CNNM2: variants seen among roughly 807,000 people sequenced by gnomAD.
CNNM2 encodes metal transporter CNNM2.
Under a neutral mutation model 66.9 loss-of-function variants are expected in CNNM2, and 12 were observed. The observed-to-expected ratio is 0.18, with a 90% CI of 0.11 to 0.29. The LOEUF (loss-of-function observed/expected upper bound fraction) is 0.29. CNNM2 is among the 10% of genes least tolerant of loss of function. The pLI is 1.00. For missense variants in CNNM2, 705 were observed against 1,167.7 expected, an observed-to-expected ratio of 0.60 and a Z score of 5.77; for synonymous variants, 557 against 501.8, an observed-to-expected ratio of 1.11 and a Z score of -1.47.
Position 103,076,279 on chromosome 10 carries a change from C to A in CNNM2, c.2418+9C>A. ...ATCTGCAGTTTGTTAAGGTGAGAGA[C>A]GTGAGTGCAGTGTGGCTGGACCTGG... On this transcript the variant is annotated intron_variant, in intron 7 of 7. Coordinates refer to ENST00000369878, the MANE Select transcript of CNNM2 (RefSeq NM_017649.5). The A allele has an allele frequency of 4.5e-6, 7 of 1,554,372 alleles. No individual in the cohort carries two copies. Among genetic ancestry groups the A allele is most frequent in the Middle Eastern group, 1.7e-4 (1 of 5,924 alleles).
At chr10:103,071,984 T>A (rs918372656) in intron 6 of CNNM2, 145 bp downstream of exon 6, 1 of 771,466 alleles carries the variant, frequency 1.3e-6, no homozygotes, top group African/African-American at 1.7e-5. Flanking sequence ...GTTCCGTAAC[T>A]TTATAGCGAG....
intron 5 of CNNM2, among the ~76,000 whole-genome samples, chr10:103,070,863 G>A (rs1055260075): frequency 1.3e-5 from 2 of 152,176 alleles, no homozygotes; most frequent in Non-Finnish European, 2.9e-5. Context: ...CTGGGAGGTG[G>A]AGGTTGCAGT....
chr10:102,940,560 A>C (rs2134177918), intron 1 of CNNM2, among the ~76,000 whole-genome samples: 1 of 151,650 alleles, frequency 6.6e-6, no homozygotes, highest in South Asian at 2.1e-4. Flanking sequence ...CTGGGACTAC[A>C]GGTGCCTGCC....
At chr10:102,970,432 G>A (rs1174931262) in intron 1 of CNNM2, among the ~76,000 whole-genome samples, 1 of 152,202 alleles carries the variant, frequency 6.6e-6, no homozygotes, top group East Asian at 1.9e-4. Flanking sequence ...CTGCTTTTGT[G>A]CTATAAGGGC....
Position 103,077,223 on chromosome 10 carries a change from C to T in CNNM2, c.*43C>T. Reference sequence around the variant, plus strand: ...CGCCCAGGCCCGCACCCGCCCAGTCCCGAGGGCCCGGCCCTGTCTGCCCAT... The same window carrying T: ...CGCCCAGGCCCGCACCCGCCCAGTCTCGAGGGCCCGGCCCTGTCTGCCCAT... On this transcript the variant is annotated 3_prime_UTR_variant, in exon 8 of 8. Transcript: ENST00000369878. The T allele has an allele frequency of 6.4e-7, 1 of 1,568,822 alleles. No homozygotes were observed. The highest frequency in any genetic ancestry group is 8.7e-7 in the Non-Finnish European group (1 of 1,147,514).
chr10:103,023,277 C>T (rs765967487), intron 1 of CNNM2, among the ~76,000 whole-genome samples: 31 of 152,132 alleles, frequency 2.0e-4, no homozygotes, highest in Non-Finnish European at 3.1e-4. Context: ...CTGGGCCTGG[C>T]GCAGTGGCTC....
intron 5 of CNNM2, 69 bp from the exon 6 acceptor site, chr10:103,071,705 C>A: frequency 8.4e-7 from 1 of 1,185,262 alleles, no homozygotes; most frequent in Non-Finnish European, 1.3e-6. Context: ...CCCCTCCTGT[C>A]CCTTGATTAC....
At chr10:103,052,089 A>G (rs961923227) in intron 2 of CNNM2, among the ~76,000 whole-genome samples, 1 of 151,916 alleles carries the variant, frequency 6.6e-6, no homozygotes, top group Non-Finnish European at 1.5e-5. Flanking sequence ...ATCCTGGTCA[A>G]CATGGTGAAA....
chr10:102,976,800 C>G (rs1020051022), intron 1 of CNNM2, among the ~76,000 whole-genome samples: 1 of 151,676 alleles, frequency 6.6e-6, no homozygotes, highest in Admixed American at 6.6e-5. Flanking sequence ...TGTTTTCAAA[C>G]TCTCTGAGCT....
At chr10:102,949,161 C>T (rs1180326029) in intron 1 of CNNM2, among the ~76,000 whole-genome samples, 1 of 152,114 alleles carries the variant, frequency 6.6e-6, no homozygotes, top group Admixed American at 6.5e-5. Context: ...ATTGCTTTGT[C>T]AGGTTCACTA....
At chr10:102,920,483 A>G (rs1845587019) in intron 1 of CNNM2, among the ~76,000 whole-genome samples, 1 of 151,974 alleles carries the variant, frequency 6.6e-6, no homozygotes, top group South Asian at 2.1e-4. Flanking sequence ...GGCTGATGCC[A>G]TGCCATTTGG....
chr10:102,968,157 T>G (rs568293603), intron 1 of CNNM2, among the ~76,000 whole-genome samples: 1 of 152,364 alleles, frequency 6.6e-6, no homozygotes, highest in East Asian at 1.9e-4. Context: ...CAAACTGTTC[T>G]CCAACTTGGC....
At chr10:102,956,384 A>T (rs568721588) in intron 1 of CNNM2, among the ~76,000 whole-genome samples, 1 of 152,244 alleles carries the variant, frequency 6.6e-6, no homozygotes, top group Admixed American at 6.5e-5. Context: ...AGTGTAAACT[A>T]GTTCAACTAT....
intron 1 of CNNM2, among the ~76,000 whole-genome samples, chr10:102,987,213 T>C (rs1266911345): frequency 6.6e-6 from 1 of 152,176 alleles, no homozygotes; most frequent in Non-Finnish European, 1.5e-5. Flanking sequence ...GAAAATGATA[T>C]ATTCTAAAGC....
At position 102,918,602 on chromosome 10, in the gene CNNM2, T is replaced by C; in HGVS notation, c.122T>C (p.Leu41Pro). ...RSLSARGRGI[L>P]QAAAGRLLPL... is the part of the protein sequence containing the mutation. ...CTCAGCGCTCGCGGCCGGGGGATCC[T>C]GCAGGCGGCTGCGGGGCGGCTGCTG... Residue 41 changes from leucine to proline, a missense_variant, in exon 1 of 8, where the codon CTG becomes CCG. By Grantham distance (98) the Leu-to-Pro change is moderately conservative. Transcript: ENST00000369878. This position sits in a 1 kb window ranked among gnomAD's most constrained non-coding sequence, Gnocchi z 4.1. 8 of 1,556,422 alleles carry C rather than the reference T, an allele frequency of 5.1e-6. No individual in the cohort carries two copies. The highest frequency in any genetic ancestry group is 6.9e-6 in the Non-Finnish European group (8 of 1,153,264).
At chr10:102,930,274 T>C (rs926285732) in intron 1 of CNNM2, among the ~76,000 whole-genome samples, 2 of 152,068 alleles carry the variant, frequency 1.3e-5, no homozygotes, top group Non-Finnish European at 2.9e-5. Context: ...AATATAGACA[T>C]GCAAAAAAAT....
chr10:102,985,093 A>T (rs374875410), intron 1 of CNNM2, among the ~76,000 whole-genome samples: 1 of 152,334 alleles, frequency 6.6e-6, no homozygotes. Flanking sequence ...TAACGAAGGG[A>T]AAGTCTTTTT....
At chr10:103,046,069 C>T (rs2065122891) in intron 1 of CNNM2, among the ~76,000 whole-genome samples, 1 of 152,250 alleles carries the variant, frequency 6.6e-6, no homozygotes, top group South Asian at 2.1e-4. Context: ...ACGAGCATTA[C>T]CACTTAGTGA....
chr10:103,011,197 G>A (rs908802465), intron 1 of CNNM2, among the ~76,000 whole-genome samples: 1 of 152,176 alleles, frequency 6.6e-6, no homozygotes, highest in South Asian at 2.1e-4. Flanking sequence ...GCTCATGCCT[G>A]TAATCTCAAC....
Sources: gnomAD v4.1 joint callset for allele counts (sites outside exome capture counted in the v4.1 genomes callset) on GRCh38, gnomAD v4.1.1 for gene constraint, Gnocchi (gnomAD v3.1) non-coding constraint, MANE v1.5 for transcripts, NCBI Gene and HGNC (gene_info 2026-07-23, HGNC 2026-07-21) for gene names.